The following FGF13 variants were observed in gnomAD, a reference collection of about 807,000 sequenced individuals.
FGF13 encodes fibroblast growth factor 13, also known as fibroblast growth factor homologous factor 2.
FGF13 carries 2 observed loss-of-function variants against 19.5 expected under a neutral mutation model. The ratio of observed to expected loss-of-function variants is 0.10; its 90% CI spans 0.04 to 0.32. FGF13 has a LOEUF of 0.32. Among genes scored for constraint, FGF13 ranks in the 10% least tolerant of loss-of-function variants. FGF13 has a pLI of 1.00. For synonymous variants in FGF13, 72 were observed against 76.9 expected (o/e 0.94, Z 0.33); for missense variants, 113 against 192.7 (o/e 0.59, Z 2.45).
intron 1 of FGF13, among the ~76,000 whole-genome samples, chrX:138,957,800 A>G (rs963200317): frequency 1.1e-4 from 12 of 111,868 alleles, no homozygotes; most frequent in African/African-American, 3.6e-4. Flanking sequence ...GAGTTCACTC[A>G]TGATTTGGCT....
chrX:139,187,898 G>A (rs1268579287), intron 1 of FGF13, among the ~76,000 whole-genome samples: 4 of 112,020 alleles, frequency 3.6e-5, no homozygotes, highest in Non-Finnish European at 7.5e-5. Flanking sequence ...TAGGAATAAT[G>A]TACTTCCTTC....
chrX:138,943,716 G>A (rs139624262), intron 1 of FGF13, among the ~76,000 whole-genome samples: 1,344 of 111,586 alleles, frequency 0.012, 8 homozygotes, highest in Non-Finnish European at 0.019. Context: ...TTTTAGCAAG[G>A]ATCACCACTG....
chrX:138,708,870 C>G lies in FGF13; in HGVS notation c.246G>C (p.Gln82His), dbSNP rs376431682. ...CATCAATGGTTCCATCCGCCTGCAG[C>G]TGCAAGTGGTAGCCTTGTCGGCTGT... ...KLYSRQGYHL[Q>H]LQADGTIDGT... Residue 82 changes from glutamine to histidine, a missense_variant, in exon 2 of 5, where the codon CAG becomes CAC. Transcript: ENST00000315930. 20 of 1,210,974 alleles carry G rather than the reference C, an allele frequency of 1.7e-5. No homozygotes were observed. In the Middle Eastern group the frequency reaches 4.6e-3, roughly 279 times the overall value.
intron 1 of FGF13, among the ~76,000 whole-genome samples, chrX:139,073,354 T>C (rs1001215088): frequency 1.8e-5 from 2 of 110,957 alleles, no homozygotes; most frequent in African/African-American, 6.6e-5. Context: ...TTCTCAGTTG[T>C]GAGTAAGGGA....
chrX:138,870,275 A>AAGT (rs1003190067), intron 1 of FGF13, among the ~76,000 whole-genome samples: 7 of 111,892 alleles, frequency 6.3e-5, no homozygotes, highest in Non-Finnish European at 1.9e-5. Flanking sequence ...TTAAGTAGTA[A>AAGT]AGTAGAGTTC....
At chrX:138,693,122 C>T in intron 3 of FGF13, among the ~76,000 whole-genome samples, 1 of 111,911 alleles carries the variant, frequency 8.9e-6, no homozygotes, top group East Asian at 2.8e-4. Context: ...CAGACTTATG[C>T]AATTTCACAT....
chrX:138,659,901 C>T (rs1337568019), intron 3 of FGF13, among the ~76,000 whole-genome samples: 9 of 110,324 alleles, frequency 8.2e-5, no homozygotes, highest in East Asian at 2.9e-4. Flanking sequence ...CACACTGGGG[C>T]CTGTTGGCAG....
At chrX:139,080,222 G>C (rs138309804) in intron 1 of FGF13, among the ~76,000 whole-genome samples, 11 of 111,323 alleles carry the variant, frequency 9.9e-5, no homozygotes, top group African/African-American at 3.6e-4. Flanking sequence ...CTCTAACCAA[G>C]ATCACCAACC....
chrX:138,761,841 C>A (rs142708233), intron 3 of FGF13, among the ~76,000 whole-genome samples: 1 of 111,289 alleles, frequency 9.0e-6, no homozygotes, highest in East Asian at 2.9e-4. Flanking sequence ...AATCCATCCC[C>A]TCCTTTGTCT....
chrX:138,853,620 C>T (rs200367639), downstream of FGF13, among the ~76,000 whole-genome samples: 1 of 99,889 alleles, frequency 1.0e-5, no homozygotes, highest in African/African-American at 3.6e-5. Flanking sequence ...TGTGCGTGTG[C>T]GTGTGTGTGT....
At chrX:138,772,018 GTATATATATATATATATATATATATA>G (rs56411673) in intron 3 of FGF13, among the ~76,000 whole-genome samples, 928 of 56,529 alleles carry the variant, frequency 0.016, 22 homozygotes, top group African/African-American at 0.047. Context: ...ATACATATGT[GTATATATATATATATATATATATATA>G]TATATATATA....
intron 1 of FGF13, among the ~76,000 whole-genome samples, chrX:138,731,344 T>G (rs766951068): frequency 1.3e-4 from 14 of 109,861 alleles, no homozygotes; most frequent in Non-Finnish European, 2.5e-4. Flanking sequence ...TCAGAGTATG[T>G]TATCTGACTG....
intron 3 of FGF13, among the ~76,000 whole-genome samples, chrX:138,672,192 C>T (rs1427308782): frequency 1.8e-5 from 2 of 111,094 alleles, no homozygotes; most frequent in East Asian, 2.9e-4. Flanking sequence ...GGATTTTGGA[C>T]GTTGAAGAAT....
At chrX:138,682,923 G>A (rs935590320) in intron 3 of FGF13, among the ~76,000 whole-genome samples, 7 of 111,658 alleles carry the variant, frequency 6.3e-5, no homozygotes, top group Non-Finnish European at 1.3e-4. Context: ...GGAATTGTTA[G>A]CAGATGAAAC....
chrX:139,020,517 T>C (rs2092173743), intron 1 of FGF13, among the ~76,000 whole-genome samples: 1 of 111,123 alleles, frequency 9.0e-6, no homozygotes, highest in East Asian at 2.9e-4. Context: ...CTACTTTCCA[T>C]CACCCACTCC....
chrX:139,156,397 A>G (rs1419752699), intron 1 of FGF13, among the ~76,000 whole-genome samples: 1 of 111,907 alleles, frequency 8.9e-6, no homozygotes, highest in African/African-American at 3.3e-5. Context: ...CTTCTAACCA[A>G]CAGGACATTG....
intron 3 of FGF13, among the ~76,000 whole-genome samples, chrX:138,642,794 T>C (rs1007866334): frequency 1.4e-4 from 16 of 112,076 alleles, no homozygotes; most frequent in African/African-American, 3.9e-4. Context: ...TAGGCTGAAA[T>C]GGCTGCAGTA....
chrX:139,202,887 G>A (rs1228128139), intron 1 of FGF13, among the ~76,000 whole-genome samples: 1 of 111,487 alleles, frequency 9.0e-6, no homozygotes. Flanking sequence ...GGTCGCTGCG[G>A]TCCAGTGTGC....
intron 1 of FGF13, among the ~76,000 whole-genome samples, chrX:138,960,159 C>T (rs1236245941): frequency 8.9e-6 from 1 of 111,824 alleles, no homozygotes; most frequent in African/African-American, 3.3e-5. Context: ...GTGGCTGGTA[C>T]TGGTTGTTCC....
Sources: allele counts gnomAD v4.1 joint callset (sites outside exome capture counted in the v4.1 genomes callset), GRCh38; gene constraint gnomAD v4.1.1; transcripts MANE v1.5; gene names NCBI Gene and HGNC (gene_info 2026-07-23, HGNC 2026-07-21).